The following MIB1 variants were observed in gnomAD, a reference collection of about 807,000 sequenced individuals.
MIB1 encodes the protein E3 ubiquitin-protein ligase MIB1.
MIB1 carries 278 observed loss-of-function variants against 124.5 expected under a neutral mutation model. The ratio of observed to expected loss-of-function variants is 2.23; its 90% CI spans 2.02 to 2.47. The LOEUF is 2.47. MIB1 is among the 30% of genes most tolerant of loss of function. MIB1 has a pLI of 0.00. For missense variants in MIB1, 957 were observed against 1,254.4 expected (o/e 0.76, Z 3.58); for synonymous variants, 446 against 429.4 (o/e 1.04, Z -0.48).
chr18:21,859,935 T>C (rs2042261058), intron 20 of MIB1, among the ~76,000 whole-genome samples: 1 of 130,936 alleles, frequency 7.6e-6, no homozygotes, highest in Non-Finnish European at 1.6e-5. Context: ...TGTATACATA[T>C]ACACCATAAA....
At chr18:21,839,586 C>T (rs974121768) in intron 13 of MIB1, among the ~76,000 whole-genome samples, 5 of 152,158 alleles carry the variant, frequency 3.3e-5, no homozygotes, top group Admixed American at 6.5e-5. Context: ...CTCACTGCAG[C>T]CTTGACCTCC....
intron 4 of MIB1, among the ~76,000 whole-genome samples, chr18:21,774,695 T>G (rs1465345952): frequency 2.0e-5 from 3 of 152,190 alleles, no homozygotes; most frequent in Non-Finnish European, 4.4e-5. Flanking sequence ...ACATTCCGTA[T>G]TCAAAGAATT....
chr18:21,739,693 G>T (rs547682549), upstream of MIB1, among the ~76,000 whole-genome samples: 1 of 151,870 alleles, frequency 6.6e-6, no homozygotes, highest in Non-Finnish European at 1.5e-5. Context: ...TCCGGCCAGG[G>T]AAAATAGTGA....
At chr18:21,856,384 G>A (rs1423336534) in intron 18 of MIB1, among the ~76,000 whole-genome samples, 1 of 151,738 alleles carries the variant, frequency 6.6e-6, no homozygotes, top group Non-Finnish European at 1.5e-5. Flanking sequence ...ATATTAGAAA[G>A]ATAGTCTTTT....
intron 1 of MIB1, among the ~76,000 whole-genome samples, chr18:21,745,711 A>AC (rs1555687309): frequency 2.3e-5 from 3 of 131,020 alleles, no homozygotes; most frequent in East Asian, 2.3e-4. Context: ...CACACACACA[A>AC]AATTTTATTT....
intron 13 of MIB1, among the ~76,000 whole-genome samples, chr18:21,839,004 A>G (rs980026949): frequency 3.9e-5 from 6 of 152,218 alleles, no homozygotes; most frequent in Admixed American, 2.0e-4. Context: ...GGATGACACT[A>G]CGTTTTTATG....
At chr18:21,734,104 GA>G (rs1452166975) in intron 1 of MIB1, among the ~76,000 whole-genome samples, 1 of 141,742 alleles carries the variant, frequency 7.1e-6, no homozygotes, top group African/African-American at 2.6e-5. Flanking sequence ...TTCTTGCTTT[GA>G]TTTTTTTTTT....
At chr18:21,775,532 A>G (rs1307258021) in intron 4 of MIB1, among the ~76,000 whole-genome samples, 1 of 152,220 alleles carries the variant, frequency 6.6e-6, no homozygotes, top group Non-Finnish European at 1.5e-5. Context: ...ATGAGCTACT[A>G]CAGCTGACCA....
At chr18:21,762,278 C>T (rs2041107294) in intron 1 of MIB1, among the ~76,000 whole-genome samples, 1 of 152,072 alleles carries the variant, frequency 6.6e-6, no homozygotes, top group Admixed American at 6.6e-5. Flanking sequence ...TAAAAAGGCA[C>T]ATTCAAAGAT....
intron 1 of MIB1, among the ~76,000 whole-genome samples, chr18:21,727,290 C>T (rs1295401599): frequency 6.6e-6 from 1 of 152,142 alleles, no homozygotes; most frequent in Non-Finnish European, 1.5e-5. Flanking sequence ...TGCACCACCA[C>T]ACCTGGCTAA....
At chr18:21,729,907 G>A (rs1007788121) in intron 1 of MIB1, among the ~76,000 whole-genome samples, 1 of 152,068 alleles carries the variant, frequency 6.6e-6, no homozygotes, top group Non-Finnish European at 1.5e-5. Flanking sequence ...CATTTTTTGG[G>A]GGACAAACAT....
At chr18:21,852,839 GA>G (rs571278676) in intron 17 of MIB1, among the ~76,000 whole-genome samples, 7 of 151,960 alleles carry the variant, frequency 4.6e-5, no homozygotes, top group Non-Finnish European at 1.0e-4. Context: ...GTTTTTGGGG[GA>G]AAAAAATATT....
chr18:21,853,223 G>A lies in MIB1; in HGVS notation c.2665+5G>A, dbSNP rs1446290774. On this transcript the variant is annotated splice_donor_5th_base_variant and intron_variant, in intron 18 of 20. Transcript: ENST00000261537. ...GCCACATGTGTGCTTGTGAGAGTAA[G>A]TAGCCTATGCAGAGTTCCTCAATAT... is the stretch of plus-strand genomic sequence containing the variant. 3.8e-6 allele frequency: 6 copies of A among 1,594,248 alleles called. No individual in the cohort carries two copies. The highest frequency in any genetic ancestry group is 4.3e-6 in the Non-Finnish European group (5 of 1,162,660).
intron 18 of MIB1, among the ~76,000 whole-genome samples, chr18:21,855,299 G>A (rs1432096339): frequency 2.6e-5 from 4 of 152,178 alleles, no homozygotes; most frequent in Admixed American, 6.5e-5. Flanking sequence ...CATGTTAGGC[G>A]GTGAAAGTGC....
intron 3 of MIB1, among the ~76,000 whole-genome samples, chr18:21,771,857 G>A (rs944663251): frequency 2.0e-5 from 3 of 151,814 alleles, no homozygotes; most frequent in Admixed American, 6.6e-5. Context: ...AAAATTAGCC[G>A]GGCATGGTGG....
intron 17 of MIB1, among the ~76,000 whole-genome samples, chr18:21,851,044 A>G (rs1217984321): frequency 2.0e-5 from 3 of 152,114 alleles, no homozygotes; most frequent in African/African-American, 4.8e-5. Context: ...TATATAAGCA[A>G]CTCTGCCATA....
chr18:21,760,909 G>A (rs2041090424), intron 1 of MIB1, among the ~76,000 whole-genome samples: 1 of 152,144 alleles, frequency 6.6e-6, no homozygotes, highest in Non-Finnish European at 1.5e-5. Context: ...TTACTTTTTT[G>A]TGATGATGGA....
At chr18:21,769,365 G>A (rs1461639542) in intron 3 of MIB1, among the ~76,000 whole-genome samples, 1 of 152,144 alleles carries the variant, frequency 6.6e-6, no homozygotes, top group Non-Finnish European at 1.5e-5. Flanking sequence ...CGTGAGTCAG[G>A]CTCACTTGGG....
chr18:21,773,785 T>G, intron 4 of MIB1, 57 bp downstream of exon 4: 3 of 981,028 alleles, frequency 3.1e-6, no homozygotes, highest in Non-Finnish European at 4.7e-6. Flanking sequence ...TGAATAGCTC[T>G]TACTGCTCTT....
Sources: gnomAD v4.1 joint callset for allele counts (sites outside exome capture counted in the v4.1 genomes callset) on GRCh38, gnomAD v4.1.1 for gene constraint, MANE v1.5 for transcripts, NCBI Gene and HGNC (gene_info 2026-07-23, HGNC 2026-07-21) for gene names.